Variants in SYT14 observed in about 807,000 individuals in gnomAD.
SYT14 encodes the protein synaptotagmin 14.
Under a neutral mutation model 74.2 loss-of-function variants are expected in SYT14, and 32 were observed. That is an observed-to-expected ratio of 0.43 (90% confidence interval 0.33 to 0.58). SYT14 has a LOEUF of 0.58. SYT14 is among the 20% of genes least tolerant of loss of function. SYT14 has a pLI of 0.05. For synonymous variants in SYT14, 298 were observed against 337.7 expected (o/e 0.88, Z 1.29); for missense variants, 791 against 981.8 (o/e 0.81, Z 2.60).
intron 5 of SYT14, among the ~76,000 whole-genome samples, chr1:210,065,957 A>G (rs890351830): frequency 2.0e-5 from 3 of 149,152 alleles, no homozygotes; most frequent in East Asian, 2.0e-4. Context: ...ATTCCCACCT[A>G]TGAGTGAGAA....
intron 1 of SYT14, 49 bp downstream of exon 1, chr1:209,938,326 G>T: frequency 6.5e-7 from 1 of 1,531,788 alleles, no homozygotes; most frequent in Non-Finnish European, 8.8e-7. Flanking sequence ...CACCCAGCTG[G>T]CGGGGGGCTC....
At chr1:210,081,762 T>C (rs2081621116) in intron 5 of SYT14, among the ~76,000 whole-genome samples, 1 of 152,220 alleles carries the variant, frequency 6.6e-6, no homozygotes, top group South Asian at 2.1e-4. Flanking sequence ...ACTACCCAAC[T>C]ACCTAGTATC....
At chr1:210,148,149 ATACT>A (rs1233375173) in intron 7 of SYT14, among the ~76,000 whole-genome samples, 6 of 152,208 alleles carry the variant, frequency 3.9e-5, no homozygotes, top group African/African-American at 7.2e-5. Flanking sequence ...AAAATTGGAA[ATACT>A]TACGCACAAA....
chr1:209,947,865 A>C (rs2018942), intron 1 of SYT14, among the ~76,000 whole-genome samples: 2 of 152,176 alleles, frequency 1.3e-5, no homozygotes, highest in South Asian at 4.1e-4. Flanking sequence ...AGCCACCCCA[A>C]CCTTCATCAT....
intron 2 of SYT14, among the ~76,000 whole-genome samples, chr1:209,987,633 T>A (rs1288806638): frequency 6.6e-6 from 1 of 152,212 alleles, no homozygotes; most frequent in East Asian, 1.9e-4. Context: ...AATATGAGAT[T>A]TGGGTGGAGA....
intron 2 of SYT14, among the ~76,000 whole-genome samples, chr1:210,010,306 T>C (rs529933183): frequency 2.0e-5 from 3 of 152,184 alleles, no homozygotes; most frequent in Non-Finnish European, 2.9e-5. Flanking sequence ...ATTCATTCAT[T>C]CATTCATCCA....
intron 2 of SYT14, among the ~76,000 whole-genome samples, chr1:209,982,363 T>G (rs1438634154): frequency 1.3e-5 from 2 of 152,244 alleles, no homozygotes; most frequent in East Asian, 3.9e-4. Flanking sequence ...ACCGTATTGC[T>G]TAGTCTGGTT....
At chr1:210,037,191 C>T (rs1398649159) in intron 5 of SYT14, among the ~76,000 whole-genome samples, 1 of 152,002 alleles carries the variant, frequency 6.6e-6, no homozygotes, top group East Asian at 1.9e-4. Context: ...TTATCCATTT[C>T]CTCTAGGTTT....
rs114528504 is a variant in SYT14, at chr1:210,162,694, C to T, written c.*1652C>T. 6.2e-3 allele frequency: 2,793 copies of T among 450,004 alleles called. 85 individuals are homozygous for T. The highest frequency in any genetic ancestry group is 0.052 in the African/African-American group (2,588 of 49,732). The allele number at this position is 450,004 out of a possible 1,614,324, so 27.9% of individuals were successfully genotyped here. A position where few individuals can be genotyped will look rare whatever the true frequency, so the allele number is the denominator to read the frequency against. On this transcript the variant is annotated 3_prime_UTR_variant, in exon 10 of 10. Coordinates refer to ENST00000637265, the Ensembl canonical transcript of SYT14. ...TTATTACCATAATAACAAAACAATG[C>T]GTAGATATTACTTCAGCTTGGCTGT...
intron 7 of SYT14, among the ~76,000 whole-genome samples, chr1:210,150,810 A>G (rs974592783): frequency 1.3e-5 from 2 of 152,236 alleles, no homozygotes; most frequent in African/African-American, 4.8e-5. Flanking sequence ...GAACATAAGT[A>G]GTTACAAGTA....
At chr1:210,082,616 A>G (rs1190865309) in intron 5 of SYT14, among the ~76,000 whole-genome samples, 1 of 152,186 alleles carries the variant, frequency 6.6e-6, no homozygotes, top group Non-Finnish European at 1.5e-5. Flanking sequence ...ATTATCATCC[A>G]ATATATGCCA....
chr1:210,010,570 G>A (rs2080068762), intron 2 of SYT14, among the ~76,000 whole-genome samples: 1 of 152,072 alleles, frequency 6.6e-6, no homozygotes. Flanking sequence ...TTCTCAGGTA[G>A]TGCTTCTTTG....
chr1:210,032,140 T>G (rs1463006730), intron 5 of SYT14, among the ~76,000 whole-genome samples: 8 of 152,072 alleles, frequency 5.3e-5, no homozygotes, highest in African/African-American at 1.7e-4. Flanking sequence ...AGGATATCAT[T>G]GGAATCAACT....
chr1:210,061,982 T>C (rs1168501171), intron 5 of SYT14, among the ~76,000 whole-genome samples: 1 of 151,886 alleles, frequency 6.6e-6, no homozygotes, highest in Non-Finnish European at 1.5e-5. Context: ...AGATCTATTA[T>C]ACAGTGGCTT....
rs1277233071 is a variant in SYT14 at position 209,943,189 on chromosome 1, C to T, written c.-534+4912C>T. Among the ~76,000 whole-genome samples the T allele has an allele frequency of 2.6e-5, 4 of 152,192 alleles. 1 individual carries two copies. Among genetic ancestry groups the T allele is most frequent in the Middle Eastern group, 3.4e-3 (1 of 292 alleles). On this transcript the variant is annotated intron_variant, in intron 1 of 9. Transcript: ENST00000637265. ...ACTACACAAAATTAGAAACACTTAG[C>T]GAACATTAGAGACACAGTGGTATTT...
At chr1:210,106,366 C>A (rs1258779846) in intron 7 of SYT14, among the ~76,000 whole-genome samples, 1 of 152,152 alleles carries the variant, frequency 6.6e-6, no homozygotes, top group Non-Finnish European at 1.5e-5. Context: ...TTTATACTCC[C>A]ATCAGTCAGT....
In SYT14 at chr1:210,016,889, C is replaced by T; in HGVS notation, c.886C>T (p.Gln296Ter). Residue 296 changes from glutamine (Q) to a stop codon, truncating the protein, a stop_gained, in exon 4 of 10, where the codon CAG becomes TAG. Transcript: ENST00000637265. LOFTEE classifies it high-confidence loss of function. ...TTTGACAAGCAATAGGCATATGACA[C>T]AGAAATCTATTATAAAAGAAGACAT... 8.1e-7 allele frequency: 1 copy of T among 1,231,690 alleles called. No individual in the cohort carries two copies. Among genetic ancestry groups the T allele is most frequent in the Non-Finnish European group, 1.0e-6 (1 of 987,750 alleles). 76.3% of individuals were successfully genotyped at this position (1,231,690 alleles called of 1,614,324 possible).
At chr1:210,130,647 G>A (rs1558210066) in intron 7 of SYT14, among the ~76,000 whole-genome samples, 1 of 152,148 alleles carries the variant, frequency 6.6e-6, no homozygotes, top group Non-Finnish European at 1.5e-5. Context: ...TAAAATGACA[G>A]AAGGAATGAA....
intron 5 of SYT14, among the ~76,000 whole-genome samples, chr1:210,056,991 C>G (rs1647768849): frequency 6.6e-6 from 1 of 151,836 alleles, no homozygotes; most frequent in South Asian, 2.1e-4. Context: ...ATTACAGGCG[C>G]ACACCACCAC....
Sources: allele counts gnomAD v4.1 joint callset (sites outside exome capture counted in the v4.1 genomes callset), GRCh38; gene constraint gnomAD v4.1.1; transcripts MANE v1.5; gene names NCBI Gene and HGNC (gene_info 2026-07-23, HGNC 2026-07-21).